The following ALDH1A2 variants were observed in gnomAD, a reference collection of about 807,000 sequenced individuals.
ALDH1A2 encodes the protein retinal dehydrogenase 2.
A neutral mutation model predicts 60.3 loss-of-function variants in ALDH1A2; 27 were observed. That is an observed-to-expected ratio of 0.45 (90% CI 0.33 to 0.62). ALDH1A2 has a LOEUF of 0.62. ALDH1A2 is among the 20% of genes least tolerant of loss of function. ALDH1A2 has a pLI of 0.02. For synonymous variants in ALDH1A2, 289 were observed against 232.4 expected (o/e 1.24, Z -2.21); for missense variants, 581 against 643.8 (o/e 0.90, Z 1.06).
intron 9 of ALDH1A2, among the ~76,000 whole-genome samples, chr15:57,962,914 C>T (rs1033922815): frequency 6.6e-6 from 1 of 152,138 alleles, no homozygotes; most frequent in Non-Finnish European, 1.5e-5. Context: ...AACCTGTCTA[C>T]AGATTAAAAC....
chr15:57,974,420 G>A (rs1293924077), intron 7 of ALDH1A2, among the ~76,000 whole-genome samples: 33 of 122,750 alleles, frequency 2.7e-4, no homozygotes, highest in African/African-American at 8.1e-4. Flanking sequence ...GTGACAGAGC[G>A]AGACTCCATC....
At chr15:57,970,884 C>A (rs1378245377) in intron 7 of ALDH1A2, among the ~76,000 whole-genome samples, 1 of 152,134 alleles carries the variant, frequency 6.6e-6, no homozygotes, top group Non-Finnish European at 1.5e-5. Flanking sequence ...TTCCTGGTTC[C>A]AACTGTGTTG....
intron 7 of ALDH1A2, among the ~76,000 whole-genome samples, chr15:57,975,605 G>A (rs1416572375): frequency 6.6e-6 from 1 of 152,058 alleles, no homozygotes; most frequent in Admixed American, 6.6e-5. Flanking sequence ...CAGATTTTTT[G>A]AATTCAGAAT....
chr15:57,978,587 T>A (rs1411898140), intron 7 of ALDH1A2, among the ~76,000 whole-genome samples: 1 of 152,178 alleles, frequency 6.6e-6, no homozygotes, highest in African/African-American at 2.4e-5. Flanking sequence ...AGAGGTTTTA[T>A]TGTGTTTGGT....
intron 7 of ALDH1A2, chr15:57,980,109 C>T: frequency 3.3e-6 from 1 of 299,896 alleles, no homozygotes; most frequent in South Asian, 3.5e-5. Flanking sequence ...ACGGTCATGC[C>T]CAACTGGCTG....
chr15:58,005,210 T>C (rs973913538), intron 4 of ALDH1A2, among the ~76,000 whole-genome samples: 1 of 151,926 alleles, frequency 6.6e-6, no homozygotes, highest in African/African-American at 2.4e-5. Context: ...ACTTAACTTG[T>C]CCTTCAGGTT....
chr15:58,009,377 A>C (rs1459331617), intron 4 of ALDH1A2, among the ~76,000 whole-genome samples: 1 of 151,976 alleles, frequency 6.6e-6, no homozygotes, highest in Non-Finnish European at 1.5e-5. Context: ...TAAATTGGAG[A>C]AGAACTATTC....
chr15:57,987,505 T>C (rs1894743859), intron 7 of ALDH1A2, among the ~76,000 whole-genome samples: 1 of 152,202 alleles, frequency 6.6e-6, no homozygotes, highest in Non-Finnish European at 1.5e-5. Flanking sequence ...GCCAGAATGA[T>C]ATCTTTGAAG....
chr15:58,001,850 T>A (rs535540290), intron 4 of ALDH1A2, among the ~76,000 whole-genome samples: 1 of 151,872 alleles, frequency 6.6e-6, no homozygotes, highest in South Asian at 2.1e-4. Flanking sequence ...AAAAAAGGAC[T>A]GCATTTGATG....
At chr15:58,006,536 G>C (rs1324410453) in intron 4 of ALDH1A2, among the ~76,000 whole-genome samples, 1 of 151,886 alleles carries the variant, frequency 6.6e-6, no homozygotes, top group Non-Finnish European at 1.5e-5. Flanking sequence ...ACACCCATTA[G>C]TGGGATTGCT....
intron 1 of ALDH1A2, among the ~76,000 whole-genome samples, chr15:58,027,059 G>C (rs1256792950): frequency 6.6e-6 from 1 of 152,154 alleles, no homozygotes; most frequent in African/African-American, 2.4e-5. Context: ...TATGAGAATG[G>C]ACAAACTGCC....
In ALDH1A2 at chr15:58,021,580, C is replaced by A. The variant is rs1895929661; in HGVS notation, c.118-7299G>T. Among the ~76,000 whole-genome samples the A allele has an allele frequency of 2.0e-5, 3 of 152,228 alleles. No individual in the cohort carries two copies. In the South Asian group the frequency reaches 6.2e-4, roughly 31 times the overall value. ...GCTGCCAAGAGACCATGAAATGGAA[C>A]TGCTCCTAGGAGAGAACTTAACACT... On this transcript the variant is annotated intron_variant, in intron 1 of 12. Coordinates refer to ENST00000249750, the MANE Select transcript of ALDH1A2 (RefSeq NM_003888.4).
rs1749800199 is a variant in ALDH1A2, at chr15:57,964,218, G to C, written c.902-149C>G. On this transcript the variant is annotated intron_variant, in intron 8 of 12. Coordinates refer to ENST00000249750, the MANE Select transcript of ALDH1A2 (RefSeq NM_003888.4). ...TAGCCCTGGATTGGGAATGCAACTA[G>C]TTCTAACTACACCCTGACATGCTAT... 7 of 732,828 alleles carry C rather than the reference G, an allele frequency of 9.6e-6. No individual in the cohort carries two copies. In the South Asian group the frequency reaches 1.2e-4, roughly 13 times the overall value. The allele number at this position is 732,828 out of a possible 1,614,324, so 45.4% of individuals were successfully genotyped here. A position where few individuals can be genotyped will look rare whatever the true frequency, so the allele number is the denominator to read the frequency against.
chr15:57,989,166 T>C (rs1042118403), intron 7 of ALDH1A2, among the ~76,000 whole-genome samples: 14 of 152,330 alleles, frequency 9.2e-5, no homozygotes, highest in Admixed American at 7.8e-4. Flanking sequence ...TTACTCGTTT[T>C]TAGACTGAAA....
intron 7 of ALDH1A2, among the ~76,000 whole-genome samples, chr15:57,989,255 G>C (rs1313001458): frequency 6.6e-6 from 1 of 152,134 alleles, no homozygotes. Flanking sequence ...CATCAGTGAT[G>C]AACATTACAA....
intron 1 of ALDH1A2, among the ~76,000 whole-genome samples, chr15:58,018,967 C>T (rs1477153761): frequency 6.6e-6 from 1 of 152,008 alleles, no homozygotes; most frequent in Non-Finnish European, 1.5e-5. Context: ...ATTATTGGGA[C>T]AATTGGTGAA....
At chr15:58,027,027 T>C (rs554793448) in intron 1 of ALDH1A2, among the ~76,000 whole-genome samples, 1 of 152,150 alleles carries the variant, frequency 6.6e-6, no homozygotes, top group South Asian at 2.1e-4. Flanking sequence ...CAGCAGTGGT[T>C]TTCCCAGCAC....
At chr15:57,976,676 T>TG (rs1355619464) in intron 7 of ALDH1A2, among the ~76,000 whole-genome samples, 1 of 152,258 alleles carries the variant, frequency 6.6e-6, no homozygotes. Flanking sequence ...GATGGGCATC[T>TG]GGGTTGGTTC....
intron 12 of ALDH1A2, among the ~76,000 whole-genome samples, 176 bp from the exon 13 acceptor site, chr15:57,955,445 T>TGTCA (rs1893487617): frequency 6.6e-6 from 1 of 151,674 alleles, no homozygotes; most frequent in Admixed American, 6.6e-5. Context: ...TCAGAGAAAC[T>TGTCA]GTCATCTCAT....
Sources: allele counts gnomAD v4.1 joint callset (sites outside exome capture counted in the v4.1 genomes callset), GRCh38; gene constraint gnomAD v4.1.1; transcripts MANE v1.5; gene names NCBI Gene and HGNC (gene_info 2026-07-23, HGNC 2026-07-21).